The following SRRM4 variants were observed in gnomAD, a reference collection of about 807,000 sequenced individuals.
The protein encoded by SRRM4 is serine/arginine repetitive matrix 4, also known as serine/arginine repetitive matrix protein 4.
Under a neutral mutation model 68.9 loss-of-function variants are expected in SRRM4, and 33 were observed. That is an observed-to-expected ratio of 0.48 (90% confidence interval 0.36 to 0.64). The LOEUF is 0.64. Ranked by LOEUF, SRRM4 falls within the 30% of genes least tolerant of loss-of-function variation. The pLI is 0.00. For missense variants in SRRM4, 817 were observed against 827.1 expected (o/e 0.99, Z 0.15); for synonymous variants, 318 against 318.8 (o/e 1.00, Z 0.03).
In SRRM4 at chr12:119,117,352, C is replaced by A. The variant is rs148576674; in HGVS notation, c.437+344C>A. 2.0e-5 allele frequency among the ~76,000 whole-genome samples: 3 copies of A among 152,298 alleles called. No individual in the cohort carries two copies. The East Asian group carries it at 5.8e-4, about 29-fold the overall frequency. On this transcript the variant is annotated intron_variant, in intron 4 of 12. Coordinates refer to ENST00000267260, the MANE Select transcript of SRRM4 (RefSeq NM_194286.4). ...CTCCTGGTCCCCATGAGGGACATGG[C>A]TGCACCCTGCCCCATCTCTCCATGT...
intron 8 of SRRM4, chr12:119,132,894 G>T (rs1954306850): frequency 6.6e-6 from 1 of 152,200 alleles, no homozygotes; most frequent in Non-Finnish European, 1.5e-5. Context: ...GTCACATCAT[G>T]TCCCTGAGAT....
chr12:119,116,276 C>T (rs1185851663), intron 3 of SRRM4, among the ~76,000 whole-genome samples: 1 of 152,178 alleles, frequency 6.6e-6, no homozygotes, highest in Non-Finnish European at 1.5e-5. Context: ...GTCACCTGAG[C>T]CTCAGTCTTG....
At chr12:119,149,459 A>G (rs1954425231) in intron 9 of SRRM4, among the ~76,000 whole-genome samples, 1 of 152,240 alleles carries the variant, frequency 6.6e-6, no homozygotes, top group East Asian at 1.9e-4. Context: ...AGGGAGCTCA[A>G]TATCTGGGAC....
intron 1 of SRRM4, among the ~76,000 whole-genome samples, chr12:119,047,706 C>T (rs576552563): frequency 7.2e-5 from 11 of 152,190 alleles, no homozygotes; most frequent in Non-Finnish European, 1.5e-4. Context: ...CAAGTTCCAA[C>T]GTGATGGTAG....
At position 119,153,641 on chromosome 12, in the gene SRRM4, C is replaced by A. The variant is rs750681178; in HGVS notation, c.1383C>A (p.Ser461Arg). The change falls in exon 11 of 13, where the codon AGC (serine) becomes AGA (arginine). Residue 461 changes from serine (S) to arginine (R), a missense_variant. Ser to Arg is a moderately radical substitution (Grantham distance 110). Coordinates refer to ENST00000267260, the MANE Select transcript of SRRM4 (RefSeq NM_194286.4). ...GCAGCCCTAGCTACTCCCGCTACAGCCCCAGCAGGTACCGGCCCCGCCCCT... is the reference window on the plus strand; with the variant it reads ...GCAGCCCTAGCTACTCCCGCTACAGACCCAGCAGGTACCGGCCCCGCCCCT... ...SRRSPSYSRY[S>R]PSRERDPKYS... 5 of 1,554,322 alleles carry A rather than the reference C, an allele frequency of 3.2e-6. No homozygotes were observed. The African/African-American group carries it at 5.5e-5, about 17-fold the overall frequency.
chr12:119,088,141 G>A (rs1002211778), intron 1 of SRRM4, among the ~76,000 whole-genome samples: 1 of 152,144 alleles, frequency 6.6e-6, no homozygotes, highest in Admixed American at 6.5e-5. Context: ...TCCTTAAATT[G>A]GGGGATTATG....
intron 1 of SRRM4, among the ~76,000 whole-genome samples, chr12:119,056,896 C>A (rs911855419): frequency 6.6e-6 from 1 of 152,172 alleles, no homozygotes; most frequent in Non-Finnish European, 1.5e-5. Context: ...CTGTCTTGTT[C>A]ATTAAGTTTC....
intron 1 of SRRM4, among the ~76,000 whole-genome samples, chr12:119,096,394 A>C (rs1047425702): frequency 6.6e-5 from 10 of 152,066 alleles, no homozygotes; most frequent in African/African-American, 2.4e-4. Flanking sequence ...TTAATATCTC[A>C]GGGTCTCAGT....
At chr12:119,063,118 C>T (rs957318070) in intron 1 of SRRM4, among the ~76,000 whole-genome samples, 4 of 152,174 alleles carry the variant, frequency 2.6e-5, no homozygotes, top group African/African-American at 7.2e-5. Flanking sequence ...GAAAACATTA[C>T]TGGTATCTAC....
intron 2 of SRRM4, among the ~76,000 whole-genome samples, chr12:119,104,085 C>T (rs747149952): frequency 9.9e-5 from 15 of 152,152 alleles, no homozygotes; most frequent in Non-Finnish European, 1.8e-4. Context: ...ACTGAGCAAC[C>T]TTGGGCAAGT....
chr12:119,136,210 C>G (rs1000907803), intron 8 of SRRM4, among the ~76,000 whole-genome samples: 3 of 152,134 alleles, frequency 2.0e-5, no homozygotes, highest in African/African-American at 7.2e-5. Flanking sequence ...TCACAACAAC[C>G]CCAGGAGAAA....
intron 1 of SRRM4, among the ~76,000 whole-genome samples, chr12:119,078,964 G>C (rs1254757556): frequency 6.6e-6 from 1 of 152,122 alleles, no homozygotes; most frequent in Non-Finnish European, 1.5e-5. Context: ...AAACCTTAAA[G>C]CACATCTTTA....
At chr12:119,024,412 G>A (rs1293914568) in intron 1 of SRRM4, among the ~76,000 whole-genome samples, 1 of 152,204 alleles carries the variant, frequency 6.6e-6, no homozygotes, top group Non-Finnish European at 1.5e-5. Context: ...CACTGCCACT[G>A]CACGCAGGAT....
At chr12:119,085,304 G>A (rs1953973082) in intron 1 of SRRM4, among the ~76,000 whole-genome samples, 1 of 152,220 alleles carries the variant, frequency 6.6e-6, no homozygotes. Flanking sequence ...AACCCTGTGA[G>A]GTAGGTGCTA....
Position 119,160,923 on chromosome 12 carries a change from A to AT in SRRM4, c.*4127dup, listed in dbSNP as rs1228455355. 6.6e-6 allele frequency: 1 copy of AT among 152,248 alleles called. No individual in the cohort carries two copies. Among genetic ancestry groups the AT allele is most frequent in the Non-Finnish European group, 1.5e-5 (1 of 68,050 alleles). 9.4% of individuals were successfully genotyped at this position (152,248 alleles called of 1,614,324 possible). ...TTCTGGTTCACTGAGGTTTGATCAT[A>AT]TTCCTATCTGCATTCCTTCCCTTCT... On this transcript the variant is annotated 3_prime_UTR_variant, in exon 13 of 13. Transcript: ENST00000267260.
At chr12:119,057,161 A>G (rs958009668) in intron 1 of SRRM4, among the ~76,000 whole-genome samples, 2 of 152,236 alleles carry the variant, frequency 1.3e-5, no homozygotes, top group African/African-American at 4.8e-5. Context: ...AATTAGGTGA[A>G]GAAAGAAATA....
At chr12:119,081,135 C>T (rs146282058) in intron 1 of SRRM4, among the ~76,000 whole-genome samples, 62 of 152,286 alleles carry the variant, frequency 4.1e-4, no homozygotes, top group African/African-American at 1.4e-3. Flanking sequence ...AACCTCTACC[C>T]TAATGAAACT....
intron 5 of SRRM4, among the ~76,000 whole-genome samples, chr12:119,121,416 C>G (rs192156118): frequency 1.6e-4 from 24 of 152,316 alleles, no homozygotes; most frequent in Admixed American, 9.8e-4. Context: ...TGTACTCAGA[C>G]CCTAGCCCTA....
chr12:119,040,852 C>T (rs1053994248), intron 1 of SRRM4, among the ~76,000 whole-genome samples: 2 of 152,038 alleles, frequency 1.3e-5, no homozygotes, highest in Non-Finnish European at 2.9e-5. Flanking sequence ...CAGGTTCAAG[C>T]AATTCTCCTG....
Sources: allele counts gnomAD v4.1 joint callset (sites outside exome capture counted in the v4.1 genomes callset), GRCh38; gene constraint gnomAD v4.1.1; transcripts MANE v1.5; gene names NCBI Gene and HGNC (gene_info 2026-07-23, HGNC 2026-07-21).